RETREG1: variants seen among roughly 807,000 people sequenced by gnomAD.
RETREG1 encodes family with sequence similarity 134 member B.
In RETREG1, 44 loss-of-function variants were observed where a neutral mutation model predicts 54.8. The observed-to-expected ratio is 0.80, with a 90% CI of 0.63 to 1.03. RETREG1 has a LOEUF of 1.03. Ranked by LOEUF, RETREG1 falls within the 50% of genes least tolerant of loss-of-function variation. The pLI is 0.00. For synonymous variants in RETREG1, 217 were observed against 238.5 expected, an observed-to-expected ratio of 0.91 and a Z score of 0.83; for missense variants, 554 against 605.1, an observed-to-expected ratio of 0.92 and a Z score of 0.89.
intron 1 of RETREG1, among the ~76,000 whole-genome samples, chr5:16,591,681 C>CG (rs1333125161): frequency 6.6e-6 from 1 of 152,216 alleles, no homozygotes; most frequent in Non-Finnish European, 1.5e-5. Context: ...ACCCTAACAA[C>CG]TTTCTCTAAT....
intron 3 of RETREG1, among the ~76,000 whole-genome samples, chr5:16,533,612 C>T (rs1426381980): frequency 1.3e-5 from 2 of 152,086 alleles, no homozygotes; most frequent in Non-Finnish European, 2.9e-5. Context: ...ATTCACACCC[C>T]CATGGGTTCT....
At chr5:16,611,423 C>T (rs1743340510) in intron 1 of RETREG1, among the ~76,000 whole-genome samples, 1 of 152,170 alleles carries the variant, frequency 6.6e-6, no homozygotes, top group Admixed American at 6.5e-5. Context: ...ATCAGAGACG[C>T]TTTCTAGGCT....
Position 16,478,086 on chromosome 5 carries a change from T to C in RETREG1, c.821A>G (p.Glu274Gly), listed in dbSNP as rs1190939710. 3.7e-6 allele frequency: 6 copies of C among 1,610,976 alleles called. No individual in the cohort carries two copies. The highest frequency in any genetic ancestry group is 5.1e-6 in the Non-Finnish European group (6 of 1,178,102). ...KKRERSEADKEKSHKDDSELD... is the reference protein window; with the variant it reads ...KKRERSEADKGKSHKDDSELD... Reference sequence around the variant, plus strand: ...TTCACTGTCATCTTTGTGACTTTTTTCTTTGTCTGCTTCTGTTGAGGAAAA... The same window carrying C: ...TTCACTGTCATCTTTGTGACTTTTTCCTTTGTCTGCTTCTGTTGAGGAAAA... The change falls in exon 7 of 9, where the codon GAA becomes GGA. Residue 274 changes from glutamate to glycine, a missense_variant. Around this residue, in one of 4 missense-constraint regions of RETREG1, gnomAD observed 347 missense variants for 412.3 expected, o/e 0.84. Transcript: ENST00000306320.
At position 16,477,989 on chromosome 5, in the gene RETREG1, C is replaced by T. The variant is rs749814960; in HGVS notation, c.873+45G>A. On this transcript the variant is annotated intron_variant, in intron 7 of 8. Coordinates refer to ENST00000306320, the MANE Select transcript of RETREG1 (RefSeq NM_001034850.3). ...AGCTTTGTATGCATACATGCATTTACAGTCAAACCACACAGGAACAAATTG... is the reference window on the plus strand; with the variant it reads ...AGCTTTGTATGCATACATGCATTTATAGTCAAACCACACAGGAACAAATTG... 3 of 1,489,436 alleles carry T rather than the reference C, an allele frequency of 2.0e-6. No homozygotes were observed. The South Asian group carries it at 3.5e-5, about 17-fold the overall frequency. 92.3% of individuals were successfully genotyped at this position (1,489,436 alleles called of 1,614,324 possible). A position where few individuals can be genotyped will look rare whatever the true frequency, so the allele number is the denominator to read the frequency against.
At chr5:16,499,593 G>A (rs1207649799) in intron 3 of RETREG1, among the ~76,000 whole-genome samples, 2 of 152,264 alleles carry the variant, frequency 1.3e-5, no homozygotes, top group South Asian at 2.1e-4. Flanking sequence ...ATGTCACTTC[G>A]AGTCAGAGTA....
intron 1 of RETREG1, among the ~76,000 whole-genome samples, chr5:16,611,822 T>C (rs1743349879): frequency 6.6e-6 from 1 of 152,124 alleles, no homozygotes; most frequent in African/African-American, 2.4e-5. Flanking sequence ...TCACACACTT[T>C]AGGAGGCTGA....
chr5:16,592,889 T>C (rs1392123308), intron 1 of RETREG1, among the ~76,000 whole-genome samples: 2 of 151,942 alleles, frequency 1.3e-5, no homozygotes, highest in Non-Finnish European at 1.5e-5. Context: ...ACTGGGCCTA[T>C]TGGAGGGTGG....
At chr5:16,551,322 G>A (rs1402543846) in intron 3 of RETREG1, among the ~76,000 whole-genome samples, 2 of 152,036 alleles carry the variant, frequency 1.3e-5, no homozygotes, top group Non-Finnish European at 2.9e-5. Flanking sequence ...GAGAACTGTT[G>A]ATAAAGGCCT....
chr5:16,528,466 T>G (rs334492), intron 3 of RETREG1, among the ~76,000 whole-genome samples: 2 of 151,944 alleles, frequency 1.3e-5, no homozygotes, highest in African/African-American at 2.4e-5. Flanking sequence ...TGGATATATA[T>G]TCCACCTGCC....
At chr5:16,484,477 TAGA>T (rs902291257) in intron 3 of RETREG1, among the ~76,000 whole-genome samples, 4 of 152,170 alleles carry the variant, frequency 2.6e-5, no homozygotes, top group Non-Finnish European at 5.9e-5. Flanking sequence ...GCAAAGTTTC[TAGA>T]AGAAGACTAG....
intron 3 of RETREG1, among the ~76,000 whole-genome samples, chr5:16,531,637 G>A (rs1740920073): frequency 1.3e-5 from 2 of 152,134 alleles, no homozygotes; most frequent in Non-Finnish European, 2.9e-5. Context: ...GGGAAGGGGT[G>A]CCTCTGTTAA....
intron 1 of RETREG1, among the ~76,000 whole-genome samples, chr5:16,574,442 C>A (rs553237468): frequency 6.6e-6 from 1 of 152,300 alleles, no homozygotes; most frequent in Admixed American, 6.5e-5. Flanking sequence ...GGAGTCCAGA[C>A]CACCTACTAG....
intron 3 of RETREG1, among the ~76,000 whole-genome samples, chr5:16,512,360 A>G (rs334471): frequency 0.55 from 83,258 of 152,076 alleles, 23,647 homozygotes; most frequent in Non-Finnish European, 0.63. Context: ...CACATGCTGC[A>G]GAAGCCCAAG....
chr5:16,595,345 T>C (rs986558535), intron 1 of RETREG1, among the ~76,000 whole-genome samples: 10 of 152,170 alleles, frequency 6.6e-5, no homozygotes, highest in African/African-American at 2.4e-4. Flanking sequence ...ACAGAAGAGC[T>C]TAATTAAAAG....
intron 3 of RETREG1, among the ~76,000 whole-genome samples, chr5:16,549,801 AT>A (rs1204649199): frequency 2.6e-5 from 4 of 152,302 alleles, no homozygotes; most frequent in African/African-American, 7.2e-5. Context: ...ATGATTGAAA[AT>A]ATCACTCATT....
intron 3 of RETREG1, among the ~76,000 whole-genome samples, chr5:16,503,712 C>T (rs1211812402): frequency 6.6e-6 from 1 of 151,362 alleles, no homozygotes; most frequent in African/African-American, 2.4e-5. Flanking sequence ...TAAATAATTC[C>T]TTCCACAAAC....
rs182183295 is a variant in RETREG1, at chr5:16,606,779, A to G, written c.320+9873T>C. 3.2e-3 allele frequency among the ~76,000 whole-genome samples: 489 copies of G among 152,262 alleles called. 9 individuals are homozygous for G. Among genetic ancestry groups the G allele is most frequent in the Admixed American group, 0.025 (387 of 15,296 alleles). On this transcript the variant is annotated intron_variant, in intron 1 of 8. Transcript: ENST00000306320. ...CTCTGCACCACCATGTGCTCCTGCA[A>G]TGGTGTCCCAGCTGGTGCCTCGCCC...
chr5:16,486,975 C>T (rs1185061849), intron 3 of RETREG1, among the ~76,000 whole-genome samples: 2 of 152,144 alleles, frequency 1.3e-5, no homozygotes, highest in Non-Finnish European at 2.9e-5. Context: ...CCCAGAGAGC[C>T]TTATTTGGAA....
chr5:16,508,901 T>G (rs903141575), intron 3 of RETREG1: 14 of 1,255,974 alleles, frequency 1.1e-5, no homozygotes, highest in Non-Finnish European at 1.1e-5. Flanking sequence ...CCCAGTACTG[T>G]GACAGGCGGC....
Sources: allele counts gnomAD v4.1 joint callset (sites outside exome capture counted in the v4.1 genomes callset), GRCh38; gene constraint gnomAD v4.1.1; regional missense constraint gnomAD v4.1.1; transcripts MANE v1.5; gene names NCBI Gene and HGNC (gene_info 2026-07-23, HGNC 2026-07-21).